The following UCK2 variants were observed in gnomAD, a reference collection of about 807,000 sequenced individuals.
UCK2 encodes uridine-cytidine kinase 2.
Under a neutral mutation model 30.8 loss-of-function variants are expected in UCK2, and 6 were observed. That is an observed-to-expected ratio of 0.19 (90% CI 0.11 to 0.38). The LOEUF (loss-of-function observed/expected upper bound fraction) is 0.38. Among genes scored for constraint, UCK2 ranks in the 10% least tolerant of loss-of-function variants. The pLI, the probability that UCK2 is intolerant of heterozygous loss-of-function variation, is 1.00. For missense variants in UCK2, 210 were observed against 339.8 expected, an observed-to-expected ratio of 0.62 and a Z score of 3.00; for synonymous variants, 125 against 133.6, an observed-to-expected ratio of 0.94 and a Z score of 0.45.
At chr1:165,873,408 A>G (rs989056096) in intron 1 of UCK2, among the ~76,000 whole-genome samples, 1 of 152,206 alleles carries the variant, frequency 6.6e-6, no homozygotes, top group African/African-American at 2.4e-5. Context: ...TGGTAGCTAC[A>G]TTTATTTCTA....
intron 1 of UCK2, among the ~76,000 whole-genome samples, chr1:165,859,096 C>T (rs562534435): frequency 6.6e-6 from 1 of 152,248 alleles, no homozygotes; most frequent in Non-Finnish European, 1.5e-5. Context: ...GTTTATGACA[C>T]AGGGAATGGA....
At chr1:165,902,319 G>A (rs1647503476) in intron 4 of UCK2, among the ~76,000 whole-genome samples, 1 of 151,950 alleles carries the variant, frequency 6.6e-6, no homozygotes, top group Non-Finnish European at 1.5e-5. Context: ...GAGGTGGGAG[G>A]ATCACTTGCT....
intron 1 of UCK2, among the ~76,000 whole-genome samples, chr1:165,886,331 G>C (rs1359013132): frequency 6.6e-6 from 1 of 151,842 alleles, no homozygotes; most frequent in African/African-American, 2.4e-5. Context: ...GTCTTGCTCT[G>C]TTGCCCAGGC....
rs1557848357 is a variant in UCK2, at chr1:165,896,259, C to T, written c.426C>T (p.Ser142=). The change falls in exon 4 of 7, where the codon TCC becomes TCT. Residue 142 remains serine (S), a synonymous_variant. Coordinates refer to ENST00000367879, the MANE Select transcript of UCK2 (RefSeq NM_012474.5). Reference sequence around the variant, plus strand: ...TTGAAGGGATCCTGGCCTTCTACTCCCAGGAGGTACGAGACCTGTTCCAGA... The same window carrying T: ...TTGAAGGGATCCTGGCCTTCTACTCTCAGGAGGTACGAGACCTGTTCCAGA... ...VLFEGILAFY[S]QEVRDLFQMK... is the part of the protein sequence containing the mutation. 1.2e-6 allele frequency: 2 copies of T among 1,614,194 alleles called. No individual in the cohort carries two copies. Among genetic ancestry groups the T allele is most frequent in the Middle Eastern group, 1.7e-4 (1 of 6,050 alleles).
intron 1 of UCK2, among the ~76,000 whole-genome samples, chr1:165,839,881 C>T (rs1265895132): frequency 1.3e-5 from 2 of 152,218 alleles, no homozygotes; most frequent in Admixed American, 1.3e-4. Flanking sequence ...GATTCATGTT[C>T]TGTGCAGATG....
chr1:165,857,178 G>T (rs776316868), intron 1 of UCK2, among the ~76,000 whole-genome samples: 1 of 152,108 alleles, frequency 6.6e-6, no homozygotes, highest in Non-Finnish European at 1.5e-5. Context: ...CAGAGAGGAA[G>T]TGCCTTCCCC....
chr1:165,866,928 GAAT>G (rs1227551366), intron 1 of UCK2, among the ~76,000 whole-genome samples: 1 of 152,158 alleles, frequency 6.6e-6, no homozygotes, highest in Non-Finnish European at 1.5e-5. Flanking sequence ...TGACTGTTGT[GAAT>G]AATGCTGTTA....
In UCK2 at chr1:165,898,509, T is replaced by C. The variant is rs75231648; in HGVS notation, c.499+2177T>C. ...CCTCCAAGGGGATCTGCTCCGGTCATGTCCTCAGGAGCTAGTGATGCCCGG... is the reference window on the plus strand; with the variant it reads ...CCTCCAAGGGGATCTGCTCCGGTCACGTCCTCAGGAGCTAGTGATGCCCGG... On this transcript the variant is annotated intron_variant, in intron 4 of 6. Coordinates refer to ENST00000367879, the MANE Select transcript of UCK2 (RefSeq NM_012474.5). Among the ~76,000 whole-genome samples the C allele has an allele frequency of 8.9e-3, 1,349 of 152,302 alleles. 35 individuals are homozygous for C. Among genetic ancestry groups the C allele is most frequent in the Admixed American group, 0.057 (870 of 15,294 alleles).
chr1:165,884,299 G>A (rs1253093275), intron 1 of UCK2, among the ~76,000 whole-genome samples: 4 of 152,230 alleles, frequency 2.6e-5, no homozygotes, highest in Admixed American at 2.6e-4. Flanking sequence ...ACCTGGAGCC[G>A]ATTGGCTGTG....
intron 3 of UCK2, chr1:165,895,603 A>G: frequency 2.0e-6 from 2 of 985,628 alleles, no homozygotes; most frequent in Non-Finnish European, 2.4e-6. Context: ...CAGACCAGAC[A>G]GACGTCGGGA....
chr1:165,891,378 G>T (rs1015669959), intron 3 of UCK2, 56 bp downstream of exon 3: 4 of 1,513,784 alleles, frequency 2.6e-6, no homozygotes, highest in Middle Eastern at 1.7e-4. Context: ...GAGCATCCCT[G>T]GTCTGCACTG....
chr1:165,851,570 A>G (rs895839986), intron 1 of UCK2, among the ~76,000 whole-genome samples: 6 of 152,186 alleles, frequency 3.9e-5, no homozygotes, highest in Non-Finnish European at 8.8e-5. Flanking sequence ...AATATTTATT[A>G]AAATGTAACC....
At chr1:165,907,247 T>A (rs975150229) in intron 6 of UCK2, among the ~76,000 whole-genome samples, 17 of 152,212 alleles carry the variant, frequency 1.1e-4, no homozygotes, top group African/African-American at 4.1e-4. Context: ...TGCATTATAT[T>A]TTTTGGAGGG....
At chr1:165,872,139 A>T (rs543529977) in intron 1 of UCK2, among the ~76,000 whole-genome samples, 1 of 152,140 alleles carries the variant, frequency 6.6e-6, no homozygotes, top group Admixed American at 6.5e-5. Flanking sequence ...CAGTGGTGCA[A>T]TCTCAGCTCA....
At chr1:165,848,644 A>ACG (rs1654511307) in intron 1 of UCK2, among the ~76,000 whole-genome samples, 1 of 151,220 alleles carries the variant, frequency 6.6e-6, no homozygotes, top group Admixed American at 6.6e-5. Context: ...CAAACAAAAC[A>ACG]CACACACACA....
At chr1:165,869,183 A>G (rs1473004643) in intron 1 of UCK2, among the ~76,000 whole-genome samples, 1 of 152,174 alleles carries the variant, frequency 6.6e-6, no homozygotes, top group Non-Finnish European at 1.5e-5. Context: ...AATGTCAAAG[A>G]TCACTGATCA....
intron 1 of UCK2, among the ~76,000 whole-genome samples, chr1:165,833,076 A>G (rs1239954358): frequency 6.6e-6 from 1 of 152,092 alleles, no homozygotes; most frequent in Admixed American, 6.5e-5. Flanking sequence ...TGCTTTTGGA[A>G]TGCTTCAGAA....
intron 1 of UCK2, among the ~76,000 whole-genome samples, chr1:165,842,619 C>T (rs1300452270): frequency 2.6e-5 from 4 of 152,186 alleles, no homozygotes; most frequent in Non-Finnish European, 4.4e-5. Flanking sequence ...CAATCCACAT[C>T]CATATTTCTT....
intron 1 of UCK2, among the ~76,000 whole-genome samples, chr1:165,869,475 A>G (rs373515417): frequency 6.6e-6 from 1 of 151,972 alleles, no homozygotes; most frequent in Non-Finnish European, 1.5e-5. Context: ...CGGTAATTCT[A>G]TATTTAGTTT....
Sources: allele counts gnomAD v4.1 joint callset (sites outside exome capture counted in the v4.1 genomes callset), GRCh38; gene constraint gnomAD v4.1.1; transcripts MANE v1.5; gene names NCBI Gene and HGNC (gene_info 2026-07-23, HGNC 2026-07-21).